The following TMEM8B variants were observed in gnomAD, a reference collection of about 807,000 sequenced individuals.
TMEM8B encodes the protein transmembrane protein 8B.
A neutral mutation model predicts 49.3 loss-of-function variants in TMEM8B; 29 were observed. The ratio of observed to expected loss-of-function variants is 0.59; its 90% CI spans 0.44 to 0.80. The LOEUF is 0.80. Ranked by LOEUF, TMEM8B falls within the 30% of genes least tolerant of loss-of-function variation. TMEM8B has a pLI of 0.00. For missense variants in TMEM8B, 575 were observed against 658.5 expected (o/e 0.87, Z 1.39); for synonymous variants, 264 against 272.8 (o/e 0.97, Z 0.32).
intron 1 of TMEM8B, among the ~76,000 whole-genome samples, chr9:35,833,737 C>G (rs906312302): frequency 2.0e-5 from 3 of 152,166 alleles, no homozygotes. Context: ...ACCTGGGAGG[C>G]CTGATGACTC....
Position 35,834,565 on chromosome 9 carries a change from A to G in TMEM8B, c.613A>G (p.Thr205Ala). 1 of 416,372 alleles carries G rather than the reference A, an allele frequency of 2.4e-6. No homozygotes were observed. The highest frequency in any genetic ancestry group is 4.4e-6 in the Non-Finnish European group (1 of 226,572). 25.8% of individuals were successfully genotyped at this position (416,372 alleles called of 1,614,324 possible). A position where few individuals can be genotyped will look rare whatever the true frequency, so the allele number is the denominator to read the frequency against. ...ELFHFHVPED[T>A]FLAVWNLIIF... is the part of the protein sequence containing the mutation. ...CTTCCACTTCCATGTTCCTGAGGAC[A>G]CATTCCTGGCTGTTTGGAACCTCAT... is the stretch of plus-strand genomic sequence containing the variant. Residue 205 changes from threonine (T) to alanine (A), a missense_variant, in exon 2 of 13, where the codon ACA (threonine) becomes GCA (alanine). By Grantham distance (58) the Thr-to-Ala change is moderately conservative (BLOSUM62 0). Transcript: ENST00000643932.
At chr9:35,847,556 A>G (rs78484169) in intron 10 of TMEM8B, among the ~76,000 whole-genome samples, 4,534 of 152,256 alleles carry the variant, frequency 0.03, 197 homozygotes, top group African/African-American at 0.099. Flanking sequence ...ATTTCTCATG[A>G]GAACTTTGGA....
chr9:35,853,816 T>G lies in TMEM8B; in HGVS notation c.2751T>G (p.Thr917=). 6.4e-7 allele frequency: 1 copy of G among 1,550,680 alleles called. No individual in the cohort carries two copies. The highest frequency in any genetic ancestry group is 8.7e-7 in the Non-Finnish European group (1 of 1,150,970). The change falls in exon 13 of 13, where the codon ACT becomes ACG. Residue 917 remains threonine, a synonymous_variant. Transcript: ENST00000643932. The surrounding 1 kb of genome is among the most constrained non-coding windows in gnomAD (Gnocchi z 4.2). ...ELGLVGPGGA[T]VSSICAS is the part of the protein sequence containing the mutation. Reference sequence around the variant, plus strand: ...GCCTCGTGGGCCCAGGAGGGGCCACTGTCAGCAGCATCTGTGCCAGCTGAG... The same window carrying G: ...GCCTCGTGGGCCCAGGAGGGGCCACGGTCAGCAGCATCTGTGCCAGCTGAG...
Position 35,854,732 on chromosome 9 carries a change from T to C in TMEM8B, c.*892T>C, listed in dbSNP as rs1485801390. The C allele has an allele frequency of 1.3e-5, 2 of 152,174 alleles. No individual in the cohort carries two copies. Among genetic ancestry groups the C allele is most frequent in the African/African-American group, 4.8e-5 (2 of 41,420 alleles). 9.4% of individuals were successfully genotyped at this position (152,174 alleles called of 1,614,324 possible). A position where few individuals can be genotyped will look rare whatever the true frequency, so the allele number is the denominator to read the frequency against. ...AAATCAGTGAGACAGACTTTCCTTA[T>C]GATGCCCACACCCAACACAGAAGGA... is the stretch of plus-strand genomic sequence containing the variant. On this transcript the variant is annotated 3_prime_UTR_variant, in exon 13 of 13. Coordinates refer to ENST00000643932, the MANE Select transcript of TMEM8B (RefSeq NM_001042590.4).
chr9:35,858,063 G>C lies in TMEM8B; in HGVS notation c.*4223G>C, dbSNP rs1311467096. On this transcript the variant is annotated 3_prime_UTR_variant, in exon 13 of 13. Coordinates refer to ENST00000643932, the MANE Select transcript of TMEM8B (RefSeq NM_001042590.4). ...GAGCCAGCAGATGAGCAACATGGGGGTGCCCTCACTGTGTCTGGTGCTGTT... is the reference window on the plus strand; with the variant it reads ...GAGCCAGCAGATGAGCAACATGGGGCTGCCCTCACTGTGTCTGGTGCTGTT... The C allele has an allele frequency of 6.5e-6, 1 of 152,698 alleles. No individual in the cohort carries two copies. The highest frequency in any genetic ancestry group is 1.5e-5 in the Non-Finnish European group (1 of 68,620). 9.5% of individuals were successfully genotyped at this position (152,698 alleles called of 1,614,324 possible).
At chr9:35,847,155 G>T in intron 10 of TMEM8B, 160 bp downstream of exon 10, 1 of 1,609,772 alleles carries the variant, frequency 6.2e-7, no homozygotes, top group African/African-American at 1.3e-5. Context: ...GTCATGCATA[G>T]ATAATGGTCA....
chr9:35,844,579 A>G (rs1249414184), intron 6 of TMEM8B, among the ~76,000 whole-genome samples: 1 of 152,234 alleles, frequency 6.6e-6, no homozygotes, highest in Non-Finnish European at 1.5e-5. Context: ...TATTTACATA[A>G]TCAAATTCTC....
chr9:35,848,675 CTTTTTTTTTTT>C (rs34593597), intron 10 of TMEM8B, among the ~76,000 whole-genome samples: 1 of 132,136 alleles, frequency 7.6e-6, no homozygotes, highest in Admixed American at 8.0e-5. Context: ...TGTTTTTTTT[CTTTTTTTTTTT>C]TTTTTTGAGA....
In TMEM8B at chr9:35,863,718, T is replaced by C. The variant is rs375237339; in HGVS notation, c.*9878T>C. Reference sequence around the variant, plus strand: ...CCCTGTGGGACGTCACCAGTTGTTATGGCTGGGGAAGGACACACTGGAGGC... The same window carrying C: ...CCCTGTGGGACGTCACCAGTTGTTACGGCTGGGGAAGGACACACTGGAGGC... On this transcript the variant is annotated 3_prime_UTR_variant, in exon 13 of 13. Transcript: ENST00000643932. The C allele has an allele frequency of 1.3e-5, 2 of 152,244 alleles. No individual in the cohort carries two copies. Among genetic ancestry groups the C allele is most frequent in the East Asian group, 3.8e-4 (2 of 5,196 alleles). The allele number at this position is 152,244 out of a possible 1,614,324, so 9.4% of individuals were successfully genotyped here. A position where few individuals can be genotyped will look rare whatever the true frequency, so the allele number is the denominator to read the frequency against.
rs773635742 is a variant in TMEM8B at position 35,857,071 on chromosome 9, A to G, written c.*3231A>G. 2.0e-5 allele frequency: 3 copies of G among 152,230 alleles called. No homozygotes were observed. The highest frequency in any genetic ancestry group is 4.4e-5 in the Non-Finnish European group (3 of 68,060). 9.4% of individuals were successfully genotyped at this position (152,230 alleles called of 1,614,324 possible). On this transcript the variant is annotated 3_prime_UTR_variant, in exon 13 of 13. Transcript: ENST00000643932. ...CTGGCAGATATTGCTGTACCCTTGCATGTATCTGTACATACGACTGGACTG... is the reference window on the plus strand; with the variant it reads ...CTGGCAGATATTGCTGTACCCTTGCGTGTATCTGTACATACGACTGGACTG...
At chr9:35,833,479 T>A in intron 1 of TMEM8B, 1 of 411,226 alleles carries the variant, frequency 2.4e-6, no homozygotes, top group Non-Finnish European at 3.3e-6. Flanking sequence ...CTGTGACAGC[T>A]ATTCTAGTCC....
In TMEM8B at chr9:35,852,861, T is replaced by G; in HGVS notation, c.2210T>G (p.Val737Gly). Residue 737 changes from valine (V) to glycine (G), a missense_variant, in exon 11 of 13, where the codon GTT becomes GGT. Physicochemically the swap from Val to Gly is moderately radical, Grantham distance 109. Transcript: ENST00000643932. ...YHACDQPGIV[V>G]FCIMDYDVLQ... ...GCCTGTGACCAGCCAGGCATCGTGG[T>G]TTTCTGCATCATGGACTACGATGTG... The G allele has an allele frequency of 6.2e-7, 1 of 1,614,126 alleles. No individual in the cohort carries two copies. The highest frequency in any genetic ancestry group is 8.5e-7 in the Non-Finnish European group (1 of 1,180,016).
At position 35,855,769 on chromosome 9, in the gene TMEM8B, A is replaced by G. The variant is rs1332817875; in HGVS notation, c.*1929A>G. ...CCTAGGCTTTTGAAACCCAAAAGCC[A>G]GGAAAACATGCCTTTGTTATCTGCT... On this transcript the variant is annotated 3_prime_UTR_variant, in exon 13 of 13. Coordinates refer to ENST00000643932, the MANE Select transcript of TMEM8B (RefSeq NM_001042590.4). 2.6e-5 allele frequency: 4 copies of G among 152,254 alleles called. No homozygotes were observed. The highest frequency in any genetic ancestry group is 9.6e-5 in the African/African-American group (4 of 41,460). 9.4% of individuals were successfully genotyped at this position (152,254 alleles called of 1,614,324 possible).
At chr9:35,847,538 C>T (rs1260761374) in intron 10 of TMEM8B, among the ~76,000 whole-genome samples, 1 of 152,176 alleles carries the variant, frequency 6.6e-6, no homozygotes, top group Non-Finnish European at 1.5e-5. Flanking sequence ...AGTCACCATG[C>T]CACCTTGATT....
At chr9:35,840,169 C>T (rs985931981) in intron 3 of TMEM8B, among the ~76,000 whole-genome samples, 1 of 152,156 alleles carries the variant, frequency 6.6e-6, no homozygotes, top group African/African-American at 2.4e-5. Flanking sequence ...TGAGGCTCTG[C>T]GAGCCATGGG....
intron 3 of TMEM8B, among the ~76,000 whole-genome samples, chr9:35,836,938 C>T (rs1830501921): frequency 6.6e-6 from 1 of 152,136 alleles, no homozygotes. Context: ...TGGGTCTGGT[C>T]CTTCTAAGAA....
chr9:35,842,195 C>T lies in TMEM8B; in HGVS notation c.1310-197C>T, dbSNP rs1831075811. The stretch of plus-strand genomic sequence containing the variant: ...AGGGATAGATGACCTCAGTTCCCTC[C>T]AGTGTGGTATTGCATTAGCTGTCAC... On this transcript the variant is annotated intron_variant, in intron 5 of 12. Coordinates refer to ENST00000643932, the MANE Select transcript of TMEM8B (RefSeq NM_001042590.4). This position sits in a 1 kb window ranked among gnomAD's most constrained non-coding sequence, Gnocchi z 5.6. Among the ~76,000 whole-genome samples, 1 of 152,172 alleles carries T rather than the reference C, an allele frequency of 6.6e-6. No homozygotes were observed. The highest frequency in any genetic ancestry group is 2.4e-5 in the African/African-American group (1 of 41,426).
chr9:35,850,181 A>G (rs1180559341), intron 10 of TMEM8B, among the ~76,000 whole-genome samples: 2 of 152,236 alleles, frequency 1.3e-5, no homozygotes, highest in Non-Finnish European at 2.9e-5. Context: ...TTTATAGTCC[A>G]CATTCTGCAG....
In TMEM8B at chr9:35,853,595, A is replaced by G; in HGVS notation, c.2530A>G (p.Ser844Gly). The change falls in exon 13 of 13, where the codon AGT becomes GGT. Residue 844 changes from serine (S) to glycine (G), a missense_variant. Transcript: ENST00000643932. The surrounding 1 kb of genome is among the most constrained non-coding windows in gnomAD (Gnocchi z 4.2). ...YLCPGSLIAGSAVLLYAFVET... is the reference protein window; with the variant it reads ...YLCPGSLIAGGAVLLYAFVET... Reference sequence around the variant, plus strand: ...GTGCCCTGGCAGCCTTATTGCAGGCAGTGCCGTCCTGCTTTATGCTTTTGT... The same window carrying G: ...GTGCCCTGGCAGCCTTATTGCAGGCGGTGCCGTCCTGCTTTATGCTTTTGT... 6.2e-7 allele frequency: 1 copy of G among 1,614,234 alleles called. No homozygotes were observed. The highest frequency in any genetic ancestry group is 8.5e-7 in the Non-Finnish European group (1 of 1,180,032).
Sources: allele counts gnomAD v4.1 joint callset (sites outside exome capture counted in the v4.1 genomes callset), GRCh38; gene constraint gnomAD v4.1.1; non-coding constraint Gnocchi (gnomAD v3.1); transcripts MANE v1.5; gene names NCBI Gene and HGNC (gene_info 2026-07-23, HGNC 2026-07-21).